PDE8B: variants seen among roughly 807,000 people sequenced by gnomAD.
PDE8B encodes the protein phosphodiesterase 8B.
PDE8B carries 26 observed loss-of-function variants against 101.3 expected under a neutral mutation model. The observed-to-expected ratio is 0.26, with a 90% CI of 0.19 to 0.36. The LOEUF (loss-of-function observed/expected upper bound fraction) is 0.36, where lower values mean the gene tolerates loss of function less well. PDE8B is among the 10% of genes least tolerant of loss of function. PDE8B has a pLI of 1.00. For missense variants in PDE8B, 810 were observed against 1,163.1 expected, an observed-to-expected ratio of 0.70 and a Z score of 4.42; for synonymous variants, 424 against 429.3, an observed-to-expected ratio of 0.99 and a Z score of 0.15.
chr5:77,095,054 T>C, the PDE8B span, among the ~76,000 whole-genome samples: 3 of 152,332 alleles, frequency 2.0e-5, no homozygotes, highest in Middle Eastern at 3.4e-3. Flanking sequence ...GTAAGGTAGA[T>C]GCCTAAAGAT....
At chr5:77,397,632 A>G (rs1047486531) in intron 10 of PDE8B, among the ~76,000 whole-genome samples, 1 of 152,150 alleles carries the variant, frequency 6.6e-6, no homozygotes, top group African/African-American at 2.4e-5. Flanking sequence ...CTTCTCTTCA[A>G]CTTAGCTTGT....
At chr5:77,181,800 AAG>A in the PDE8B span, among the ~76,000 whole-genome samples, 2 of 152,138 alleles carry the variant, frequency 1.3e-5, no homozygotes, top group African/African-American at 4.8e-5. Flanking sequence ...GCTAACCTAG[AAG>A]AGAGAGTTCC....
At chr5:77,157,250 A>G in the PDE8B span, among the ~76,000 whole-genome samples, 10 of 152,306 alleles carry the variant, frequency 6.6e-5, no homozygotes, top group Middle Eastern at 3.4e-3. Context: ...AAGGCTTCCC[A>G]GGGTAACTCA....
At chr5:77,200,868 C>T in the PDE8B span, among the ~76,000 whole-genome samples, 1 of 152,322 alleles carries the variant, frequency 6.6e-6, no homozygotes, top group Middle Eastern at 3.4e-3. Context: ...AGTAATCAGT[C>T]ATGCCCCCAG....
chr5:77,418,521 A>C (rs554016243), intron 18 of PDE8B, 75 bp downstream of exon 18: 1 of 996,078 alleles, frequency 1.0e-6, no homozygotes, highest in South Asian at 1.4e-5. Context: ...GCTTCCTCTT[A>C]GGGGAAAGGG....
chr5:77,374,070 G>C (rs1404702945), intron 10 of PDE8B, among the ~76,000 whole-genome samples: 1 of 152,042 alleles, frequency 6.6e-6, no homozygotes. Flanking sequence ...GTCTGGTCTC[G>C]AACTCCCGAC....
chr5:77,398,121 A>G (rs1389436967), intron 10 of PDE8B, among the ~76,000 whole-genome samples: 1 of 152,042 alleles, frequency 6.6e-6, no homozygotes, highest in African/African-American at 2.4e-5. Flanking sequence ...TCGTGTGGCA[A>G]GAAGTAGTAG....
intron 10 of PDE8B, chr5:77,358,419 A>C: frequency 9.1e-6 from 9 of 985,050 alleles, no homozygotes; most frequent in Non-Finnish European, 1.1e-5. Context: ...TTTTGTCTGC[A>C]CCACCCATTG....
intron 1 of PDE8B, among the ~76,000 whole-genome samples, chr5:77,299,266 GT>G (rs139577152): frequency 0.15 from 22,954 of 150,298 alleles, 1,834 homozygotes; most frequent in East Asian, 0.29. Context: ...TTGTTTGTTT[GT>G]TTTATTTTAT....
chr5:77,154,215 T>C, the PDE8B span, among the ~76,000 whole-genome samples: 2 of 152,262 alleles, frequency 1.3e-5, no homozygotes, highest in Non-Finnish European at 2.9e-5. Context: ...TGTAGCCACA[T>C]TGACTGCTTT....
the PDE8B span, among the ~76,000 whole-genome samples, chr5:77,174,218 C>T: frequency 6.6e-6 from 1 of 152,188 alleles, no homozygotes; most frequent in Non-Finnish European, 1.5e-5. Flanking sequence ...AGGTATCCTT[C>T]CTGGGTGTCA....
At chr5:77,375,909 T>G (rs1786016847) in intron 10 of PDE8B, among the ~76,000 whole-genome samples, 1 of 147,438 alleles carries the variant, frequency 6.8e-6, no homozygotes. Flanking sequence ...TTTTTTTTTT[T>G]GAGGCGGAGT....
chr5:77,341,707 G>A (rs527496885), intron 6 of PDE8B, among the ~76,000 whole-genome samples: 1 of 152,230 alleles, frequency 6.6e-6, no homozygotes, highest in Non-Finnish European at 1.5e-5. Context: ...TTTGGACCAG[G>A]TGCCTGGAAA....
intron 1 of PDE8B, among the ~76,000 whole-genome samples, chr5:77,282,905 G>A (rs1765301815): frequency 6.6e-6 from 1 of 151,640 alleles, no homozygotes; most frequent in African/African-American, 2.4e-5. Context: ...ATGAGAATTG[G>A]AACCTAAGCC....
chr5:77,248,566 G>C (rs904851263), intron 1 of PDE8B, among the ~76,000 whole-genome samples: 4 of 152,086 alleles, frequency 2.6e-5, no homozygotes, highest in African/African-American at 9.7e-5. Context: ...GAAAAAGTCC[G>C]TGTGTACCTA....
chr5:77,148,188 C>CCTTAATATCAAACTTA, the PDE8B span: 1 of 152,200 alleles, frequency 6.6e-6, no homozygotes, highest in Non-Finnish European at 1.5e-5. Context: ...CTTAATATCA[C>CCTTAATATCAAACTTA]AGATCAAGTT....
chr5:77,149,189 T>TTA, the PDE8B span, among the ~76,000 whole-genome samples: 1 of 152,210 alleles, frequency 6.6e-6, no homozygotes, highest in East Asian at 1.9e-4. Flanking sequence ...ATGCAAGCGT[T>TTA]TATATCTGAA....
intron 2 of PDE8B, among the ~76,000 whole-genome samples, chr5:77,316,686 A>G (rs532642668): frequency 1.3e-5 from 2 of 152,364 alleles, no homozygotes; most frequent in South Asian, 2.1e-4. Flanking sequence ...ACACTTGTCT[A>G]TAAATTTGAA....
At chr5:77,284,441 T>A (rs1236560532) in intron 1 of PDE8B, among the ~76,000 whole-genome samples, 1 of 152,120 alleles carries the variant, frequency 6.6e-6, no homozygotes, top group East Asian at 1.9e-4. Flanking sequence ...CTTCTAGGAG[T>A]TTTATAGTTT....
Sources: allele counts gnomAD v4.1 joint callset (sites outside exome capture counted in the v4.1 genomes callset), GRCh38; gene constraint gnomAD v4.1.1; transcripts MANE v1.5; gene names NCBI Gene and HGNC (gene_info 2026-07-23, HGNC 2026-07-21).